Variants in UNC13B observed in about 807,000 individuals in gnomAD.
UNC13B encodes unc-13 homolog B.
A neutral mutation model predicts 211.0 loss-of-function variants in UNC13B; 144 were observed. That is an observed-to-expected ratio of 0.68 (90% CI 0.60 to 0.78). The LOEUF (loss-of-function observed/expected upper bound fraction) is 0.78. Among genes scored for constraint, UNC13B ranks in the 30% least tolerant of loss-of-function variants. The pLI is 0.00. For synonymous variants in UNC13B, 709 were observed against 725.8 expected (o/e 0.98, Z 0.37); for missense variants, 1,777 against 2,002.0 (o/e 0.89, Z 2.14).
intron 11 of UNC13B, among the ~76,000 whole-genome samples, chr9:35,319,692 A>G (rs1416366194): frequency 6.6e-6 from 1 of 151,342 alleles, no homozygotes; most frequent in Admixed American, 6.6e-5. Flanking sequence ...ATGGGGTCTC[A>G]CTCTGTCACC....
intron 11 of UNC13B, among the ~76,000 whole-genome samples, chr9:35,320,268 C>T (rs1219999728): frequency 6.6e-6 from 1 of 152,078 alleles, no homozygotes; most frequent in Non-Finnish European, 1.5e-5. Context: ...AATGGGATTG[C>T]TGGGTTGAAT....
Position 35,400,360 on chromosome 9 carries a change from A to C in UNC13B, c.12401A>C (p.Gln4134Pro). The C allele has an allele frequency of 6.2e-7, 1 of 1,614,192 alleles. No individual in the cohort carries two copies. Among genetic ancestry groups the C allele is most frequent in the Non-Finnish European group, 8.5e-7 (1 of 1,180,014 alleles). The change falls in exon 37 of 40, where the codon CAG becomes CCG. Residue 4134 changes from glutamine to proline, a missense_variant. Gln to Pro is a moderately conservative substitution (Grantham distance 76). Coordinates refer to ENST00000635942, the MANE Select transcript of UNC13B (RefSeq NM_001371189.2). ...TTCCTGGAGAAGAGCCCAGATCTGC[A>C]GTCTCTACGCTATGCCCTGTCTCTG... Reference protein sequence around the residue: ...KTFLEKSPDLQSLRYALSLYT... With the variant: ...KTFLEKSPDLPSLRYALSLYT...
chr9:35,370,040 T>C (rs1834016019), intron 12 of UNC13B, among the ~76,000 whole-genome samples: 4 of 152,186 alleles, frequency 2.6e-5, no homozygotes, highest in Admixed American at 2.0e-4. Flanking sequence ...TTCAAATAAA[T>C]AGAAATGCCT....
chr9:35,376,058 G>A lies in UNC13B; in HGVS notation c.9646G>A (p.Ala3216Thr), dbSNP rs913695841. 9.3e-6 allele frequency: 15 copies of A among 1,614,196 alleles called. No individual in the cohort carries two copies. The Admixed American group carries it at 1.8e-4, about 20-fold the overall frequency. Residue 3216 changes from alanine (A) to threonine (T), a missense_variant, in exon 15 of 40, where the codon GCC (alanine) becomes ACC (threonine). By Grantham distance (58) the Ala-to-Thr change is moderately conservative (BLOSUM62 0). Transcript: ENST00000635942. ...CCACGTGTATAAGAAAACCCTGCAG[G>A]CCTTAATCTACCCCATTTCGTGCAC... is the stretch of plus-strand genomic sequence containing the variant. ...KSHVYKKTLQ[A>T]LIYPISCTTP...
At chr9:35,370,717 A>T (rs1012619279) in intron 13 of UNC13B, among the ~76,000 whole-genome samples, 3 of 152,146 alleles carry the variant, frequency 2.0e-5, no homozygotes, top group African/African-American at 7.2e-5. Context: ...GATGACCTGT[A>T]ATGGAAATTG....
chr9:35,323,668 C>G (rs150400439), intron 11 of UNC13B, among the ~76,000 whole-genome samples: 3 of 152,290 alleles, frequency 2.0e-5, no homozygotes, highest in Admixed American at 2.0e-4. Flanking sequence ...TATTCTCTAC[C>G]TTCTGACCTT....
chr9:35,229,692 ACT>A (rs2131497386), intron 2 of UNC13B, among the ~76,000 whole-genome samples: 1 of 258 alleles, frequency 3.9e-3, no homozygotes, highest in East Asian at 0.25. Flanking sequence ...CTACTGCACT[ACT>A]ACTACTACTG....
In UNC13B at chr9:35,300,473, T is replaced by C; in HGVS notation, c.1069T>C (p.Ser357Pro). The C allele has an allele frequency of 2.5e-6, 1 of 399,002 alleles. No individual in the cohort carries two copies. Among genetic ancestry groups the C allele is most frequent in the Non-Finnish European group, 4.4e-6 (1 of 226,044 alleles). 24.7% of individuals were successfully genotyped at this position (399,002 alleles called of 1,614,324 possible). The change falls in exon 9 of 40, where the codon TCA (serine) becomes CCA (proline). Residue 357 changes from serine (S) to proline (P), a missense_variant. Transcript: ENST00000635942. ...AAGGCACTGTGAAAAGTCATCTGGC[T>C]CAAACCAGCATGTCACTAATTTTAC... is the stretch of plus-strand genomic sequence containing the variant. Reference protein sequence around the residue: ...CLRHCEKSSGSNQHVTNFTSL... With the variant: ...CLRHCEKSSGPNQHVTNFTSL...
intron 15 of UNC13B, among the ~76,000 whole-genome samples, chr9:35,376,986 C>T (rs1463709786): frequency 2.0e-5 from 3 of 152,204 alleles, no homozygotes; most frequent in African/African-American, 7.2e-5. Context: ...CCCTCCAGAC[C>T]TCCCAGGTAT....
Position 35,306,721 on chromosome 9 carries a change from C to T in UNC13B, c.7317C>T (p.Asn2439=), listed in dbSNP as rs772079354. ...PEPGCAGNLQ[N]QDADKEEDKF... is the part of the protein sequence containing the mutation. ...CAGGGTGTGCAGGGAACCTTCAGAA[C>T]CAAGATGCAGATAAAGAGGAAGACA... Residue 2439 remains asparagine (N), a synonymous_variant, in exon 9 of 40, where the codon AAC becomes AAT. Coordinates refer to ENST00000635942, the MANE Select transcript of UNC13B (RefSeq NM_001371189.2). 7.5e-6 allele frequency: 3 copies of T among 398,906 alleles called. No individual in the cohort carries two copies. The highest frequency in any genetic ancestry group is 2.1e-5 in the African/African-American group (1 of 48,618). The allele number at this position is 398,906 out of a possible 1,614,324, so 24.7% of individuals were successfully genotyped here.
At chr9:35,308,491 A>G in intron 9 of UNC13B, 79 bp downstream of exon 9, 1 of 397,788 alleles carries the variant, frequency 2.5e-6, no homozygotes, top group African/African-American at 2.1e-5. Context: ...TGGTAGATTA[A>G]TCATAGCTTG....
chr9:35,379,251 C>T (rs1834656085), intron 17 of UNC13B, among the ~76,000 whole-genome samples: 1 of 152,058 alleles, frequency 6.6e-6, no homozygotes, highest in African/African-American at 2.4e-5. Flanking sequence ...AGTTCCAGAC[C>T]AGACTGGCCA....
At chr9:35,224,743 G>T (rs1824740238) in intron 1 of UNC13B, among the ~76,000 whole-genome samples, 1 of 151,948 alleles carries the variant, frequency 6.6e-6, no homozygotes, top group Admixed American at 6.6e-5. Context: ...AAAACTACAG[G>T]CAAATACTCC....
At chr9:35,345,949 G>A (rs1300843647) in intron 11 of UNC13B, among the ~76,000 whole-genome samples, 2 of 152,110 alleles carry the variant, frequency 1.3e-5, no homozygotes, top group South Asian at 2.1e-4. Flanking sequence ...CTAGCTTCTG[G>A]CCTATAAATG....
intron 1 of UNC13B, among the ~76,000 whole-genome samples, chr9:35,199,852 C>T (rs1823176763): frequency 1.3e-5 from 2 of 152,048 alleles, no homozygotes; most frequent in Non-Finnish European, 2.9e-5. Context: ...TAATTAGATC[C>T]CATTTGTCAA....
intron 1 of UNC13B, among the ~76,000 whole-genome samples, chr9:35,224,241 A>G (rs1385939251): frequency 6.6e-6 from 1 of 152,166 alleles, no homozygotes; most frequent in Non-Finnish European, 1.5e-5. Context: ...GCTTTGGATA[A>G]TACAGTCATT....
In UNC13B at chr9:35,346,866, G is replaced by T. The variant is rs1832388787; in HGVS notation, c.9415-20081G>T. The stretch of plus-strand genomic sequence containing the variant: ...TCTGTGGCCTTGTATGCCTCGTTTT[G>T]CTGGGCCTCTCACCTCCTTTCCATT... On this transcript the variant is annotated intron_variant, in intron 11 of 39. Transcript: ENST00000635942. Among the ~76,000 whole-genome samples, 3 of 151,880 alleles carry T rather than the reference G, an allele frequency of 2.0e-5. No individual in the cohort carries two copies. In the South Asian group the frequency reaches 6.3e-4, roughly 32 times the overall value.
Position 35,386,104 on chromosome 9 carries a change from G to T in UNC13B, c.10966-61G>T, listed in dbSNP as rs1174975247. On this transcript the variant is annotated intron_variant, in intron 23 of 39. Coordinates refer to ENST00000635942, the MANE Select transcript of UNC13B (RefSeq NM_001371189.2). ...CTAGAGTAGGTTTGGGGTAGTGCTA[G>T]GAGAATATCCCACCCAGGTGAGCAG... 3 of 1,608,442 alleles carry T rather than the reference G, an allele frequency of 1.9e-6. No homozygotes were observed. In the African/African-American group the frequency reaches 4.0e-5, roughly 21 times the overall value.
intron 1 of UNC13B, among the ~76,000 whole-genome samples, chr9:35,193,457 A>C (rs543006871): frequency 3.3e-5 from 5 of 151,962 alleles, no homozygotes; most frequent in East Asian, 3.9e-4. Context: ...GACCAGCCTG[A>C]CCAACATGGT....
Sources: gnomAD v4.1 joint callset for allele counts (sites outside exome capture counted in the v4.1 genomes callset) on GRCh38, gnomAD v4.1.1 for gene constraint, MANE v1.5 for transcripts, NCBI Gene and HGNC (gene_info 2026-07-23, HGNC 2026-07-21) for gene names.